The following ARSD variants were observed in gnomAD, a reference collection of about 807,000 sequenced individuals.
ARSD encodes testis tissue sperm-binding protein Li 39a.
In ARSD, 21 loss-of-function variants were observed where a neutral mutation model predicts 32.6. The observed-to-expected ratio is 0.64, with a 90% CI of 0.46 to 0.93. ARSD has a LOEUF of 0.93. Among genes scored for constraint, ARSD ranks in the 40% least tolerant of loss-of-function variants. The pLI is 0.00. For synonymous variants in ARSD, 224 were observed against 237.4 expected (o/e 0.94, Z 0.52); for missense variants, 454 against 520.9 (o/e 0.87, Z 1.25).
intron 4 of ARSD, among the ~76,000 whole-genome samples, chrX:2,918,454 A>T (rs2088994875): frequency 8.9e-6 from 1 of 112,877 alleles, no homozygotes; most frequent in African/African-American, 3.2e-5. Flanking sequence ...AAGTGATTAA[A>T]GGTTTAAGAC....
chrX:2,907,899 G>A (rs2088866038), intron 9 of ARSD: 1 of 920,463 alleles, frequency 1.1e-6, no homozygotes, highest in East Asian at 4.5e-5. Context: ...CACTGTGGCT[G>A]CTTTCAGAAA....
At chrX:2,924,324 G>A (rs2089060326) in intron 2 of ARSD, among the ~76,000 whole-genome samples, 1 of 113,554 alleles carries the variant, frequency 8.8e-6, no homozygotes. Flanking sequence ...GGGAGCCACC[G>A]TGCCCGGCCC....
At chrX:2,928,256 A>G (rs2089105716) in intron 1 of ARSD, among the ~76,000 whole-genome samples, 1 of 96,426 alleles carries the variant, frequency 1.0e-5, no homozygotes, top group Non-Finnish European at 2.1e-5. Context: ...GAGGGAAGTA[A>G]CGGCCGCGCT....
chrX:2,926,980 G>A (rs1311629863), intron 1 of ARSD, among the ~76,000 whole-genome samples: 2 of 106,856 alleles, frequency 1.9e-5, no homozygotes, highest in African/African-American at 3.4e-5. Context: ...CGGGGAGGAC[G>A]CGAACGAGGG....
rs754019173 is a variant in ARSD, at chrX:2,909,903, G to A, written c.1212C>T (p.Ala404=). The stretch of plus-strand genomic sequence containing the variant: ...TCGTGGGCTCTCCAATCACTCGGCC[G>A]GCCGGGAGCACCCCCGGCCAGTGGA... The part of the protein sequence containing the change: ...GIFHWPGVLP[A]GRVIGEPTSL... Residue 404 remains alanine (A), a synonymous_variant, in exon 8 of 10, where the codon GCC becomes GCT. Coordinates refer to ENST00000381154, the MANE Select transcript of ARSD (RefSeq NM_001669.4). 1.8e-5 allele frequency: 22 copies of A among 1,208,091 alleles called. No individual in the cohort carries two copies. The highest frequency in any genetic ancestry group is 7.1e-5 in the South Asian group (4 of 56,623).
intron 1 of ARSD, among the ~76,000 whole-genome samples, chrX:2,927,164 G>C (rs2147332972): frequency 9.0e-6 from 1 of 111,319 alleles, no homozygotes; most frequent in South Asian, 3.9e-4. Flanking sequence ...CAGGAGAATA[G>C]GGTCTGGAGG....
At chrX:2,927,573 A>G (rs1168952595) in intron 1 of ARSD, among the ~76,000 whole-genome samples, 1 of 112,272 alleles carries the variant, frequency 8.9e-6, no homozygotes, top group Non-Finnish European at 1.9e-5. Context: ...GATTACAGGC[A>G]TGAGCCACCT....
chrX:2,928,312 G>A (rs1433686558), intron 1 of ARSD, among the ~76,000 whole-genome samples: 1 of 99,672 alleles, frequency 1.0e-5, no homozygotes, highest in Non-Finnish European at 2.1e-5. Flanking sequence ...GGGGGTGACC[G>A]GGGTAGGCAC....
chrX:2,927,638 C>T (rs1299867100), intron 1 of ARSD, among the ~76,000 whole-genome samples: 2 of 112,256 alleles, frequency 1.8e-5, no homozygotes, highest in African/African-American at 6.5e-5. Context: ...GGACCGAAGG[C>T]TTCCCTTTGA....
intron 1 of ARSD, among the ~76,000 whole-genome samples, chrX:2,927,791 G>C (rs779744467): frequency 9.4e-6 from 1 of 105,989 alleles, no homozygotes; most frequent in African/African-American, 3.9e-5. Flanking sequence ...TTGCACAGGA[G>C]TGTGACCTTT....
At position 2,905,748 on chromosome X, in the gene ARSD, T is replaced by G. The variant is rs1476567106; in HGVS notation, c.*1523A>C. On this transcript the variant is annotated 3_prime_UTR_variant, in exon 10 of 10. Transcript: ENST00000381154. ...AAAACCTCAGTCAACACAGTAAGTG[T>G]TTTCTTGTTTTCCTGCTGACCAACC... is the stretch of plus-strand genomic sequence containing the variant. 8.9e-6 allele frequency: 1 copy of G among 112,510 alleles called. No homozygotes were observed. Among genetic ancestry groups the G allele is most frequent in the African/African-American group, 3.2e-5 (1 of 30,962 alleles). 9.3% of individuals were successfully genotyped at this position (112,510 alleles called of 1,213,427 possible). A position where few individuals can be genotyped will look rare whatever the true frequency, so the allele number is the denominator to read the frequency against.
At chrX:2,913,179 T>C (rs758880929) in intron 6 of ARSD, among the ~76,000 whole-genome samples, 1 of 112,070 alleles carries the variant, frequency 8.9e-6, no homozygotes, top group African/African-American at 3.2e-5. Flanking sequence ...AATTTAAACA[T>C]ATTCTCATTG....
In ARSD at chrX:2,907,405, C is replaced by T; in HGVS notation, c.1648G>A (p.Glu550Lys). 1 of 1,212,080 alleles carries T rather than the reference C, an allele frequency of 8.3e-7. No homozygotes were observed. Among genetic ancestry groups the T allele is most frequent in the Non-Finnish European group, 1.1e-6 (1 of 895,600 alleles). Residue 550 changes from glutamate to lysine, a missense_variant, in exon 10 of 10, where the codon GAG becomes AAG. Glu to Lys is a moderately conservative substitution (Grantham distance 56). Transcript: ENST00000381154. ...ACAGGACTCAGGGTCTGCCGATGCT[C>T]CGACACCGCGGCACCTACCCTTGCT... ...VIARVGAAVS[E>K]HRQTLSPVPQ...
intron 4 of ARSD, chrX:2,920,254 GA>G (rs762260869): frequency 5.9e-5 from 13 of 219,803 alleles, no homozygotes; most frequent in Admixed American, 4.3e-4. Flanking sequence ...AATTTAAGAA[GA>G]AAAAAAAACT....
chrX:2,924,069 G>A (rs1351508972), intron 2 of ARSD, among the ~76,000 whole-genome samples: 1 of 112,478 alleles, frequency 8.9e-6, no homozygotes, highest in East Asian at 2.8e-4. Flanking sequence ...GTCTTGCTCT[G>A]TGGCCCAGGC....
At chrX:2,928,359 G>A (rs1368776433) in intron 1 of ARSD, among the ~76,000 whole-genome samples, 1 of 97,793 alleles carries the variant, frequency 1.0e-5, no homozygotes, top group Non-Finnish European at 2.1e-5. Context: ...TGAAGCCCAC[G>A]GGGGGGAAAG....
In ARSD at chrX:2,907,560, CG is replaced by C; in HGVS notation, c.1492del (p.Arg498GlufsTer11). ...HPEGAGACYGRGVCPCSGEGV... is the reference protein window; with the variant it reads ...HPEGAGACYGXGVCPCSGEGV... ...CTCCCCGGAGCATGGGCAGACGCCT[CG>C]GCCGTAGCAGGCCCCCGCTCCCTCG... On this transcript the variant is annotated frameshift_variant, in exon 10 of 10. Coordinates refer to ENST00000381154, the MANE Select transcript of ARSD (RefSeq NM_001669.4). LOFTEE classifies it low-confidence loss of function (END_TRUNC). 1 of 1,153,531 alleles carries C rather than the reference CG, an allele frequency of 8.7e-7. No individual in the cohort carries two copies. The highest frequency in any genetic ancestry group is 1.2e-6 in the Non-Finnish European group (1 of 865,342).
At chrX:2,913,006 C>T in intron 6 of ARSD, among the ~76,000 whole-genome samples, 1 of 111,833 alleles carries the variant, frequency 8.9e-6, no homozygotes, top group Non-Finnish European at 1.9e-5. Flanking sequence ...TTTATTTTGC[C>T]AAGGTTAAGA....
chrX:2,913,210 T>C (rs758597472), intron 6 of ARSD, among the ~76,000 whole-genome samples: 9 of 112,315 alleles, frequency 8.0e-5, no homozygotes, highest in African/African-American at 2.9e-4. Flanking sequence ...GAAAGAGTTA[T>C]CAATAGAAAG....
Sources: gnomAD v4.1 joint callset for allele counts (sites outside exome capture counted in the v4.1 genomes callset) on GRCh38, gnomAD v4.1.1 for gene constraint, MANE v1.5 for transcripts, NCBI Gene and HGNC (gene_info 2026-07-23, HGNC 2026-07-21) for gene names.